The following DLG2 variants were observed in gnomAD, a reference collection of about 807,000 sequenced individuals.
DLG2 encodes the protein disks large homolog 2.
Under a neutral mutation model 132.5 loss-of-function variants are expected in DLG2, and 45 were observed. The observed-to-expected ratio is 0.34, with a 90% CI of 0.27 to 0.44. The LOEUF is 0.44. DLG2 is among the 20% of genes least tolerant of loss of function. DLG2 has a pLI of 1.00. For synonymous variants in DLG2, 424 were observed against 419.6 expected, an observed-to-expected ratio of 1.01 and a Z score of -0.13; for missense variants, 1,045 against 1,196.9, an observed-to-expected ratio of 0.87 and a Z score of 1.87.
intron 15 of DLG2, among the ~76,000 whole-genome samples, chr11:83,876,321 A>T (rs2064778871): frequency 6.6e-6 from 1 of 152,186 alleles, no homozygotes; most frequent in Non-Finnish European, 1.5e-5. Context: ...GTTTAGTACC[A>T]AATAAGAATA....
At chr11:85,546,135 T>A (rs1450583440) in intron 3 of DLG2, among the ~76,000 whole-genome samples, 2 of 152,224 alleles carry the variant, frequency 1.3e-5, no homozygotes, top group Non-Finnish European at 2.9e-5. Context: ...TTTAGTGCTA[T>A]AAATTTCCCT....
At chr11:85,494,443 AC>A (rs1296678358) in intron 3 of DLG2, among the ~76,000 whole-genome samples, 1 of 152,148 alleles carries the variant, frequency 6.6e-6, no homozygotes, top group African/African-American at 2.4e-5. Flanking sequence ...AAACAAAACC[AC>A]TATCTTTATT....
intron 3 of DLG2, among the ~76,000 whole-genome samples, chr11:85,483,700 T>C (rs2093352369): frequency 6.6e-6 from 1 of 151,888 alleles, no homozygotes; most frequent in Non-Finnish European, 1.5e-5. Flanking sequence ...TCCCAGAACT[T>C]TGGGATGCCA....
chr11:84,238,658 T>C (rs2097189791), intron 8 of DLG2, among the ~76,000 whole-genome samples: 1 of 150,526 alleles, frequency 6.6e-6, no homozygotes, highest in South Asian at 2.1e-4. Context: ...TTTTTGGAAA[T>C]AGAGTTTTTA....
chr11:83,986,264 G>A (rs1238497105), intron 11 of DLG2, among the ~76,000 whole-genome samples: 1 of 146,854 alleles, frequency 6.8e-6, no homozygotes, highest in Non-Finnish European at 1.5e-5. Flanking sequence ...CTGTGTCCAT[G>A]TGTTCTCATT....
At chr11:85,030,877 T>C (rs560075639) in intron 6 of DLG2, among the ~76,000 whole-genome samples, 3 of 152,094 alleles carry the variant, frequency 2.0e-5, no homozygotes, top group Admixed American at 6.5e-5. Flanking sequence ...TTATTTTTGA[T>C]AATAAAAGCA....
intron 6 of DLG2, among the ~76,000 whole-genome samples, chr11:85,068,120 CTCAA>C (rs1000158346): frequency 3.9e-5 from 6 of 152,206 alleles, no homozygotes; most frequent in African/African-American, 1.4e-4. Context: ...TCTAAAAACT[CTCAA>C]TCAATTAGGT....
chr11:84,160,311 G>C (rs1250854541), intron 9 of DLG2, among the ~76,000 whole-genome samples: 1 of 152,164 alleles, frequency 6.6e-6, no homozygotes, highest in African/African-American at 2.4e-5. Context: ...AAGAACAGGA[G>C]AGTGTTTTGT....
At chr11:83,726,039 A>G (rs1311772133) in intron 18 of DLG2, among the ~76,000 whole-genome samples, 2 of 152,196 alleles carry the variant, frequency 1.3e-5, no homozygotes, top group East Asian at 3.8e-4. Context: ...GAGGGAAAAA[A>G]AAGTCCCTCA....
At chr11:84,145,509 T>C (rs1357178437) in intron 9 of DLG2, among the ~76,000 whole-genome samples, 1 of 152,188 alleles carries the variant, frequency 6.6e-6, no homozygotes, top group Non-Finnish European at 1.5e-5. Context: ...GGACCACTGT[T>C]GTATAGGCAG....
intron 6 of DLG2, among the ~76,000 whole-genome samples, chr11:85,070,796 A>G (rs1293935443): frequency 6.6e-6 from 1 of 151,834 alleles, no homozygotes; most frequent in Non-Finnish European, 1.5e-5. Flanking sequence ...AGCCCAAGCC[A>G]TCTTCTTTGT....
intron 5 of DLG2, among the ~76,000 whole-genome samples, chr11:85,117,943 A>C (rs557515123): frequency 2.6e-5 from 4 of 152,150 alleles, no homozygotes; most frequent in Admixed American, 2.6e-4. Context: ...ATTTTAAACA[A>C]ACAATGGGGA....
chr11:83,613,697 A>G (rs2060421039), intron 19 of DLG2, among the ~76,000 whole-genome samples: 1 of 152,222 alleles, frequency 6.6e-6, no homozygotes, highest in Admixed American at 6.5e-5. Context: ...CATGCAAGAA[A>G]TCTGAGACTT....
intron 7 of DLG2, among the ~76,000 whole-genome samples, chr11:84,451,854 G>A (rs1420927170): frequency 6.6e-6 from 1 of 151,774 alleles, no homozygotes; most frequent in African/African-American, 2.4e-5. Flanking sequence ...TTTCTGATAA[G>A]TTGATTAAGG....
chr11:84,833,312 G>A (rs549725447), intron 6 of DLG2, among the ~76,000 whole-genome samples: 6 of 151,650 alleles, frequency 4.0e-5, no homozygotes, highest in South Asian at 2.1e-4. Context: ...CCAGTTCAAC[G>A]TCTCTCAGAG....
At chr11:85,510,375 C>G (rs2094032970) in intron 3 of DLG2, among the ~76,000 whole-genome samples, 1 of 151,964 alleles carries the variant, frequency 6.6e-6, no homozygotes, top group Non-Finnish European at 1.5e-5. Flanking sequence ...CAAATGGGAT[C>G]TAATTAAACT....
chr11:84,702,305 G>A (rs2059303561), intron 6 of DLG2, among the ~76,000 whole-genome samples: 1 of 151,600 alleles, frequency 6.6e-6, no homozygotes, highest in South Asian at 2.1e-4. Flanking sequence ...TCTCAAATCT[G>A]TAGCTACAGC....
At chr11:85,580,101 C>A (rs2078417243) in intron 3 of DLG2, among the ~76,000 whole-genome samples, 1 of 152,026 alleles carries the variant, frequency 6.6e-6, no homozygotes, top group Admixed American at 6.6e-5. Context: ...CCACTGCACA[C>A]TCTCTCTCTC....
At chr11:84,500,592 C>T (rs2099201273) in intron 7 of DLG2, among the ~76,000 whole-genome samples, 1 of 152,178 alleles carries the variant, frequency 6.6e-6, no homozygotes, top group South Asian at 2.1e-4. Flanking sequence ...TAGCTTTCGT[C>T]ACCTAAATTC....
Sources: gnomAD v4.1 joint callset for allele counts (sites outside exome capture counted in the v4.1 genomes callset) on GRCh38, gnomAD v4.1.1 for gene constraint, MANE v1.5 for transcripts, NCBI Gene and HGNC (gene_info 2026-07-23, HGNC 2026-07-21) for gene names.